ELAPOR2: variants seen among roughly 807,000 people sequenced by gnomAD.
ELAPOR2 encodes endosome-lysosome associated apoptosis and autophagy regulator family member 2.
ELAPOR2 carries 89 observed loss-of-function variants against 120.7 expected under a neutral mutation model. The observed-to-expected ratio is 0.74, with a 90% CI of 0.62 to 0.88. The LOEUF (loss-of-function observed/expected upper bound fraction) is 0.88, where lower values mean the gene tolerates loss of function less well. Ranked by LOEUF, ELAPOR2 falls within the 40% of genes least tolerant of loss-of-function variation. The pLI is 0.00. For synonymous variants in ELAPOR2, 444 were observed against 444.9 expected (o/e 1.00, Z 0.03); for missense variants, 1,134 against 1,251.6 (o/e 0.91, Z 1.42).
intron 21 of ELAPOR2, among the ~76,000 whole-genome samples, chr7:86,889,983 C>A (rs1468998122): frequency 1.3e-5 from 2 of 151,780 alleles, no homozygotes; most frequent in Non-Finnish European, 2.9e-5. Context: ...GGTGAGATGA[C>A]TTCTGCTTGG....
At chr7:87,043,508 A>C (rs1347800814) in intron 1 of ELAPOR2, among the ~76,000 whole-genome samples, 1 of 151,524 alleles carries the variant, frequency 6.6e-6, no homozygotes, top group African/African-American at 2.4e-5. Context: ...CAAAGACAAA[A>C]ACCACATGAT....
rs1789672939 is a variant in ELAPOR2 at position 86,918,497 on chromosome 7, A to G, written c.1538T>C (p.Ile513Thr). The change falls in exon 12 of 22, where the codon ATA becomes ACA. Residue 513 changes from isoleucine (I) to threonine (T), a missense_variant. By Grantham distance (89) the Ile-to-Thr change is moderately conservative. Around this residue, in one of 3 missense-constraint regions of ELAPOR2, gnomAD observed 831 missense variants for 867.6 expected, o/e 0.96. Transcript: ENST00000450689. ...TGATGSELGR[I>T]TFVFETLCSA... is the part of the protein sequence containing the mutation. ...ACAGAGGGTCTCAAAGACAAATGTT[A>G]TTCTTCCTAGTTCAGAACCCGTGGC... 6.2e-7 allele frequency: 1 copy of G among 1,613,444 alleles called. No individual in the cohort carries two copies. The highest frequency in any genetic ancestry group is 8.5e-7 in the Non-Finnish European group (1 of 1,179,548).
chr7:86,957,978 C>T (rs1176722537), intron 2 of ELAPOR2, among the ~76,000 whole-genome samples: 2 of 152,090 alleles, frequency 1.3e-5, no homozygotes, highest in African/African-American at 4.8e-5. Flanking sequence ...CCTTTAGATG[C>T]CATCTTTTAA....
intron 1 of ELAPOR2, among the ~76,000 whole-genome samples, chr7:86,977,621 C>T (rs1410692902): frequency 6.6e-6 from 1 of 152,180 alleles, no homozygotes; most frequent in African/African-American, 2.4e-5. Flanking sequence ...TCCAAAATAG[C>T]TTTACTTTCT....
intron 2 of ELAPOR2, among the ~76,000 whole-genome samples, chr7:86,955,239 T>C (rs1015339476): frequency 6.6e-5 from 10 of 152,142 alleles, no homozygotes; most frequent in African/African-American, 2.2e-4. Context: ...AAAAGTAATC[T>C]ATAATTCTCA....
Position 86,884,427 on chromosome 7 carries a change from C to T in ELAPOR2, c.3031-3897G>A, listed in dbSNP as rs145218042. On this transcript the variant is annotated intron_variant, in intron 21 of 21. Transcript: ENST00000450689. Reference sequence around the variant, plus strand: ...CACCACAAGTTTGAACTGCACAGGCCTACTTATAGGCAGATTTTACAAAAC... The same window carrying T: ...CACCACAAGTTTGAACTGCACAGGCTTACTTATAGGCAGATTTTACAAAAC... Among the ~76,000 whole-genome samples the T allele has an allele frequency of 2.2e-3, 328 of 152,238 alleles. 1 individual carries two copies. Among genetic ancestry groups the T allele is most frequent in the African/African-American group, 7.6e-3 (317 of 41,542 alleles).
Position 86,951,862 on chromosome 7 carries a change from A to G in ELAPOR2, c.311-3940T>C, listed in dbSNP as rs538714241. 5.3e-5 allele frequency among the ~76,000 whole-genome samples: 8 copies of G among 152,360 alleles called. No individual in the cohort carries two copies. In the South Asian group the frequency reaches 1.5e-3, roughly 28 times the overall value. On this transcript the variant is annotated intron_variant, in intron 2 of 21. Coordinates refer to ENST00000450689, the MANE Select transcript of ELAPOR2 (RefSeq NM_001142749.3). ...CTCATGGCCAACAGAACTATAACTCATGCCTGAATAAAGCTTATCTAACAC... is the reference window on the plus strand; with the variant it reads ...CTCATGGCCAACAGAACTATAACTCGTGCCTGAATAAAGCTTATCTAACAC...
At chr7:86,916,303 C>T (rs1247384040) in intron 12 of ELAPOR2, among the ~76,000 whole-genome samples, 2 of 152,156 alleles carry the variant, frequency 1.3e-5, no homozygotes, top group South Asian at 2.1e-4. Context: ...TAAGAGAGAG[C>T]TTCTGAGAAA....
intron 2 of ELAPOR2, among the ~76,000 whole-genome samples, chr7:86,963,874 G>C (rs1791808378): frequency 6.6e-6 from 1 of 152,100 alleles, no homozygotes; most frequent in African/African-American, 2.4e-5. Context: ...GCTTTCACCT[G>C]CCCACTTGAG....
intron 1 of ELAPOR2, among the ~76,000 whole-genome samples, chr7:87,052,671 C>T (rs74334448): frequency 0.014 from 2,161 of 152,262 alleles, 54 homozygotes; most frequent in African/African-American, 0.048. Context: ...GAAAAGAGCT[C>T]ATAAAAGCAA....
At chr7:86,976,322 G>T (rs1313722261) in intron 1 of ELAPOR2, among the ~76,000 whole-genome samples, 3 of 152,240 alleles carry the variant, frequency 2.0e-5, no homozygotes, top group African/African-American at 7.2e-5. Flanking sequence ...CATCTTTCTG[G>T]CCAGAGGAAA....
chr7:86,905,131 G>GA (rs1554381653), intron 18 of ELAPOR2, among the ~76,000 whole-genome samples: 3 of 142,156 alleles, frequency 2.1e-5, no homozygotes, highest in African/African-American at 7.9e-5. Flanking sequence ...AGGAAGGAAA[G>GA]AAAGAAAAGA....
At chr7:87,039,748 G>A (rs1794701963) in intron 1 of ELAPOR2, among the ~76,000 whole-genome samples, 1 of 151,704 alleles carries the variant, frequency 6.6e-6, no homozygotes, top group Admixed American at 6.6e-5. Context: ...GGTATAGAAG[G>A]AACATACCGA....
chr7:87,031,758 T>C (rs1430787448), intron 1 of ELAPOR2, among the ~76,000 whole-genome samples: 2 of 152,128 alleles, frequency 1.3e-5, no homozygotes, highest in Non-Finnish European at 1.5e-5. Flanking sequence ...CTTAAGAATA[T>C]CAAGTGCTAT....
intron 6 of ELAPOR2, 63 bp from the exon 7 acceptor site, chr7:86,939,023 C>T: frequency 6.3e-7 from 1 of 1,575,134 alleles, no homozygotes; most frequent in Non-Finnish European, 8.7e-7. Flanking sequence ...AAATCAGCAC[C>T]TACTTCTGCT....
chr7:87,012,133 C>T lies in ELAPOR2; in HGVS notation c.190-47109G>A, dbSNP rs868336936. ...ACATTTAAAGTGGTCAATATCTGGC[C>T]GGGCGTGGTGGCTCACACCTGTAAT... On this transcript the variant is annotated intron_variant, in intron 1 of 21. Transcript: ENST00000450689. 3.3e-5 allele frequency among the ~76,000 whole-genome samples: 5 copies of T among 152,232 alleles called. No individual in the cohort carries two copies. In the East Asian group the frequency reaches 5.8e-4, roughly 18 times the overall value.
At chr7:87,033,532 G>C (rs917238646) in intron 1 of ELAPOR2, among the ~76,000 whole-genome samples, 1 of 152,182 alleles carries the variant, frequency 6.6e-6, no homozygotes, top group Non-Finnish European at 1.5e-5. Flanking sequence ...GTGCTAGTGA[G>C]AAATACAGAA....
intron 1 of ELAPOR2, among the ~76,000 whole-genome samples, chr7:87,049,020 C>G (rs1795027493): frequency 6.6e-6 from 1 of 152,090 alleles, no homozygotes; most frequent in Admixed American, 6.6e-5. Context: ...TTTAAAACAG[C>G]CTATGTGCCC....
At chr7:86,971,329 A>G (rs892236859) in intron 1 of ELAPOR2, among the ~76,000 whole-genome samples, 2 of 152,334 alleles carry the variant, frequency 1.3e-5, no homozygotes, top group African/African-American at 4.8e-5. Flanking sequence ...TGTATTTCTC[A>G]GGAAATTTTC....
Sources: allele counts gnomAD v4.1 joint callset (sites outside exome capture counted in the v4.1 genomes callset), GRCh38; gene constraint gnomAD v4.1.1; regional missense constraint gnomAD v4.1.1; transcripts MANE v1.5; gene names NCBI Gene and HGNC (gene_info 2026-07-23, HGNC 2026-07-21).